ONECUT2: variants seen among roughly 807,000 people sequenced by gnomAD.
ONECUT2 encodes one cut homeobox 2.
Under a neutral mutation model 27.9 loss-of-function variants are expected in ONECUT2, and 10 were observed. That is an observed-to-expected ratio of 0.36 (90% CI 0.22 to 0.61). The LOEUF is 0.61. Among genes scored for constraint, ONECUT2 ranks in the 20% least tolerant of loss-of-function variants. ONECUT2 has a pLI of 0.73. For missense variants in ONECUT2, 686 were observed against 721.0 expected (o/e 0.95, Z 0.56); for synonymous variants, 334 against 315.1 (o/e 1.06, Z -0.64).
Position 57,478,317 on chromosome 18 carries a change from G to A in ONECUT2, c.*1594G>A, listed in dbSNP as rs1030824527. On this transcript the variant is annotated 3_prime_UTR_variant, in exon 2 of 2. Coordinates refer to ENST00000491143, the MANE Select transcript of ONECUT2 (RefSeq NM_004852.3). ...GCCCCGGGTGGGGCCACGTGGGGGT[G>A]TTCAAAGCAAGCCAAACGCTGCAAT... 3 of 152,596 alleles carry A rather than the reference G, an allele frequency of 2.0e-5. No homozygotes were observed. Among genetic ancestry groups the A allele is most frequent in the African/African-American group, 7.2e-5 (3 of 41,470 alleles). 9.5% of individuals were successfully genotyped at this position (152,596 alleles called of 1,614,324 possible).
chr18:57,471,501 G>A (rs900326611), intron 1 of ONECUT2, among the ~76,000 whole-genome samples: 1 of 152,186 alleles, frequency 6.6e-6, no homozygotes, highest in Non-Finnish European at 1.5e-5. Flanking sequence ...AAAATCCAGT[G>A]GCCACCAGGG....
intron 1 of ONECUT2, among the ~76,000 whole-genome samples, chr18:57,450,994 T>C (rs990091142): frequency 3.9e-5 from 6 of 152,240 alleles, no homozygotes; most frequent in African/African-American, 1.4e-4. Flanking sequence ...TATTTAAGAT[T>C]TGAATGGATA....
intron 1 of ONECUT2, among the ~76,000 whole-genome samples, chr18:57,469,310 T>TGTCTGCTGACAAATGCACACCCTGGATG (rs2050341046): frequency 6.6e-6 from 1 of 152,218 alleles, no homozygotes; most frequent in South Asian, 2.1e-4. Context: ...GGAGGTTAAG[T>TGTCTGCTGACAAATGCACACCCTGGATG]GTCTGCTGAC....
rs983964647 is a variant in ONECUT2, at chr18:57,486,076, G to A, written c.*9353G>A. 6.5e-6 allele frequency: 1 copy of A among 152,784 alleles called. No homozygotes were observed. The highest frequency in any genetic ancestry group is 1.9e-4 in the East Asian group (1 of 5,184). 9.5% of individuals were successfully genotyped at this position (152,784 alleles called of 1,614,324 possible). A position where few individuals can be genotyped will look rare whatever the true frequency, so the allele number is the denominator to read the frequency against. ...ATCTTTCCTACTGCCACACCCATAC[G>A]AGAGAGGATCTAGAAAGAGCGATGG... On this transcript the variant is annotated 3_prime_UTR_variant, in exon 2 of 2. Coordinates refer to ENST00000491143, the MANE Select transcript of ONECUT2 (RefSeq NM_004852.3).
intron 1 of ONECUT2, among the ~76,000 whole-genome samples, chr18:57,469,131 T>C (rs2050339841): frequency 2.0e-5 from 3 of 152,252 alleles, no homozygotes. Context: ...TTAGTTAATC[T>C]TTCCAACAGA....
intron 1 of ONECUT2, among the ~76,000 whole-genome samples, chr18:57,447,540 G>C (rs76208996): frequency 1.1e-3 from 175 of 152,296 alleles, no homozygotes; most frequent in Non-Finnish European, 1.6e-3. Context: ...CCTCTGAAGA[G>C]GAAGAGCATT....
intron 1 of ONECUT2, among the ~76,000 whole-genome samples, chr18:57,470,749 G>A (rs2050348596): frequency 6.7e-6 from 1 of 150,302 alleles, no homozygotes; most frequent in Non-Finnish European, 1.5e-5. Flanking sequence ...ACCAGATACT[G>A]TCCCCCTTAC....
At chr18:57,461,126 C>A (rs1192136200) in intron 1 of ONECUT2, among the ~76,000 whole-genome samples, 1 of 151,756 alleles carries the variant, frequency 6.6e-6, no homozygotes, top group Non-Finnish European at 1.5e-5. Context: ...GTTCTTTATA[C>A]TCAAGTATCC....
At chr18:57,461,102 G>A (rs189634373) in intron 1 of ONECUT2, among the ~76,000 whole-genome samples, 5 of 151,382 alleles carry the variant, frequency 3.3e-5, no homozygotes, top group South Asian at 2.1e-4. Context: ...TTTCTGTTGC[G>A]TTTTGGTTTC....
At chr18:57,472,763 T>C (rs775489128) in intron 1 of ONECUT2, among the ~76,000 whole-genome samples, 10 of 152,166 alleles carry the variant, frequency 6.6e-5, no homozygotes, top group Non-Finnish European at 1.5e-4. Flanking sequence ...GACAAGCCAA[T>C]GTGGACCTGT....
intron 1 of ONECUT2, among the ~76,000 whole-genome samples, chr18:57,442,092 C>G (rs187269717): frequency 1.7e-4 from 26 of 149,492 alleles, no homozygotes; most frequent in Non-Finnish European, 5.9e-5. Flanking sequence ...TCTTCCTTCC[C>G]GCTTGTGGGG....
At chr18:57,451,046 G>C (rs746858268) in intron 1 of ONECUT2, among the ~76,000 whole-genome samples, 1 of 152,196 alleles carries the variant, frequency 6.6e-6, no homozygotes, top group Middle Eastern at 3.2e-3. Context: ...AATTGAGTGA[G>C]AACAGAGTTT....
chr18:57,452,224 T>A (rs1172702503), intron 1 of ONECUT2, among the ~76,000 whole-genome samples: 1 of 152,114 alleles, frequency 6.6e-6, no homozygotes, highest in Non-Finnish European at 1.5e-5. Context: ...CTCGACTAGA[T>A]CATAGCAAGC....
In ONECUT2 at chr18:57,435,989, G is replaced by A. The variant is rs747065085; in HGVS notation, c.273G>A (p.Leu91=). ...CGCCTCCAACCGCGCACCAGGAGCTGGGCACGGCGGCAGCGGCGGCAGCGG... is the reference window on the plus strand; with the variant it reads ...CGCCTCCAACCGCGCACCAGGAGCTAGGCACGGCGGCAGCGGCGGCAGCGG... The part of the protein sequence containing the change: ...PPPPPTAHQE[L]GTAAAAAAAA... The change falls in exon 1 of 2, where the codon CTG becomes CTA. Residue 91 remains leucine, a synonymous_variant. Transcript: ENST00000491143. 7.8e-5 allele frequency: 117 copies of A among 1,504,116 alleles called. No homozygotes were observed. Among genetic ancestry groups the A allele is most frequent in the Non-Finnish European group, 1.0e-4 (116 of 1,130,358 alleles). 93.2% of individuals were successfully genotyped at this position (1,504,116 alleles called of 1,614,324 possible). A position where few individuals can be genotyped will look rare whatever the true frequency, so the allele number is the denominator to read the frequency against.
chr18:57,450,348 A>T (rs1221449004), intron 1 of ONECUT2, among the ~76,000 whole-genome samples: 1 of 151,952 alleles, frequency 6.6e-6, no homozygotes, highest in African/African-American at 2.4e-5. Flanking sequence ...TAATTTGTGT[A>T]TTTTTAGTAG....
Position 57,490,170 on chromosome 18 carries a change from A to G in ONECUT2, c.*13447A>G, listed in dbSNP as rs749892964. On this transcript the variant is annotated 3_prime_UTR_variant, in exon 2 of 2. Transcript: ENST00000491143. ...CTATTCAAATTTTTCCACCCAGACA[A>G]TACTTTATTAACACAGATACTGTAG... is the stretch of plus-strand genomic sequence containing the variant. 6 of 152,136 alleles carry G rather than the reference A, an allele frequency of 3.9e-5. No individual in the cohort carries two copies. The highest frequency in any genetic ancestry group is 3.9e-4 in the Admixed American group (6 of 15,266). The allele number at this position is 152,136 out of a possible 1,614,324, so 9.4% of individuals were successfully genotyped here.
chr18:57,464,542 A>T (rs1368986353), intron 1 of ONECUT2, among the ~76,000 whole-genome samples: 2 of 151,814 alleles, frequency 1.3e-5, no homozygotes, highest in Non-Finnish European at 2.9e-5. Context: ...ATTGTCTTTG[A>T]CTGGACTTCC....
At chr18:57,469,562 G>A (rs566627) in intron 1 of ONECUT2, among the ~76,000 whole-genome samples, 95,056 of 152,148 alleles carry the variant, frequency 0.62, 32,234 homozygotes, top group Middle Eastern at 0.79. Flanking sequence ...TCTCTGACAC[G>A]TATGTAAAAA....
intron 1 of ONECUT2, among the ~76,000 whole-genome samples, chr18:57,453,269 C>A (rs900605352): frequency 6.6e-6 from 1 of 152,146 alleles, no homozygotes; most frequent in Non-Finnish European, 1.5e-5. Flanking sequence ...ACATTGATTT[C>A]CAAGACCCAA....
Sources: gnomAD v4.1 joint callset for allele counts (sites outside exome capture counted in the v4.1 genomes callset) on GRCh38, gnomAD v4.1.1 for gene constraint, MANE v1.5 for transcripts, NCBI Gene and HGNC (gene_info 2026-07-23, HGNC 2026-07-21) for gene names.